Variants in SCPEP1 observed in about 807,000 individuals in gnomAD.
The protein encoded by SCPEP1 is serine carboxypeptidase 1.
A neutral mutation model predicts 63.8 loss-of-function variants in SCPEP1; 51 were observed. That is an observed-to-expected ratio of 0.80 (90% CI 0.64 to 1.01). The LOEUF (loss-of-function observed/expected upper bound fraction) is 1.01, where lower values mean the gene tolerates loss of function less well. Ranked by LOEUF, SCPEP1 falls within the 50% of genes least tolerant of loss-of-function variation. The probability of loss-of-function intolerance (pLI) is 0.00; values close to 1 mark genes in which losing one functional copy is unlikely to be tolerated. For missense variants in SCPEP1, 499 were observed against 554.9 expected, an observed-to-expected ratio of 0.90 and a Z score of 1.01; for synonymous variants, 204 against 207.8, an observed-to-expected ratio of 0.98 and a Z score of 0.16.
At chr17:57,003,497 A>G (rs1911801944) in intron 12 of SCPEP1, among the ~76,000 whole-genome samples, 1 of 152,168 alleles carries the variant, frequency 6.6e-6, no homozygotes, top group South Asian at 2.1e-4. Flanking sequence ...GGGGTAGAAA[A>G]GAACTGAAGG....
intron 3 of SCPEP1, chr17:56,987,479 TTG>T: frequency 2.5e-6 from 1 of 399,572 alleles, no homozygotes. Flanking sequence ...TTTTTTTTTT[TTG>T]CGGCGGCGGG....
chr17:57,002,656 G>A (rs190731131), intron 12 of SCPEP1, among the ~76,000 whole-genome samples: 1 of 152,164 alleles, frequency 6.6e-6, no homozygotes, highest in Non-Finnish European at 1.5e-5. Context: ...GCAGTGAGCC[G>A]AGATAGCACC....
intron 12 of SCPEP1, among the ~76,000 whole-genome samples, chr17:57,003,544 C>T (rs974553688): frequency 3.3e-5 from 5 of 152,026 alleles, no homozygotes; most frequent in East Asian, 3.9e-4. Context: ...TTGTGGTTTG[C>T]GATGGAGGGA....
rs369816571 is a variant in SCPEP1 at position 56,978,149 on chromosome 17, C to A, written c.-11C>A. The stretch of plus-strand genomic sequence containing the variant: ...CCAGCCTGTTGCTGATGCTGCCGTG[C>A]GGTACTTGTCATGGAGCTGGCACTG... On this transcript the variant is annotated 5_prime_UTR_variant, in exon 1 of 13. It introduces an in-frame stop codon into an upstream open reading frame of the 5' UTR. Coordinates refer to ENST00000262288, the MANE Select transcript of SCPEP1 (RefSeq NM_021626.3). The A allele has an allele frequency of 2.3e-6, 3 of 1,289,868 alleles. No homozygotes were observed. Among genetic ancestry groups the A allele is most frequent in the South Asian group, 1.2e-5 (1 of 83,140 alleles). 79.9% of individuals were successfully genotyped at this position (1,289,868 alleles called of 1,614,324 possible). A position where few individuals can be genotyped will look rare whatever the true frequency, so the allele number is the denominator to read the frequency against.
In SCPEP1 at chr17:56,993,365, A is replaced by G. The variant is rs149955243; in HGVS notation, c.620-1616A>G. On this transcript the variant is annotated intron_variant, in intron 6 of 12. Coordinates refer to ENST00000262288, the MANE Select transcript of SCPEP1 (RefSeq NM_021626.3). ...TATTGAACAATGCAGGCCTACTTCA[A>G]AGATTGGTAAACAAGGGCCCATGAG... Among the ~76,000 whole-genome samples the G allele has an allele frequency of 3.7e-3, 563 of 152,304 alleles. 5 individuals are homozygous for G. Among genetic ancestry groups the G allele is most frequent in the African/African-American group, 0.013 (537 of 41,560 alleles).
At chr17:56,996,426 A>T (rs1911562225) in intron 8 of SCPEP1, among the ~76,000 whole-genome samples, 1 of 151,988 alleles carries the variant, frequency 6.6e-6, no homozygotes, top group Non-Finnish European at 1.5e-5. Flanking sequence ...GCTGGTCTTG[A>T]ACTCCTGACC....
intron 1 of SCPEP1, among the ~76,000 whole-genome samples, chr17:56,980,306 G>A (rs939765443): frequency 2.0e-5 from 3 of 151,970 alleles, no homozygotes; most frequent in African/African-American, 7.3e-5. Flanking sequence ...GTAGAGATGG[G>A]GTGTTGCTAT....
chr17:57,001,110 A>G (rs1317554330), intron 11 of SCPEP1, 118 bp downstream of exon 11: 10 of 1,064,774 alleles, frequency 9.4e-6, no homozygotes, highest in Non-Finnish European at 1.4e-5. Context: ...GTGGAAGGCC[A>G]TTTCCCATTA....
At chr17:56,993,188 T>C (rs1911449567) in intron 6 of SCPEP1, among the ~76,000 whole-genome samples, 1 of 152,210 alleles carries the variant, frequency 6.6e-6, no homozygotes, top group South Asian at 2.1e-4. Context: ...ACTTGCCACA[T>C]GTGACTATAT....
chr17:56,990,621 T>A (rs1232365060), intron 5 of SCPEP1, among the ~76,000 whole-genome samples: 1 of 152,196 alleles, frequency 6.6e-6, no homozygotes, highest in African/African-American at 2.4e-5. Flanking sequence ...AATTTTCATC[T>A]CAAATATTCA....
intron 6 of SCPEP1, among the ~76,000 whole-genome samples, chr17:56,994,256 A>G: frequency 6.6e-6 from 1 of 152,222 alleles, no homozygotes; most frequent in East Asian, 1.9e-4. Flanking sequence ...GACATACTCA[A>G]ATGTGCTTTA....
chr17:57,002,953 G>A (rs956295336), intron 12 of SCPEP1, among the ~76,000 whole-genome samples: 2 of 151,742 alleles, frequency 1.3e-5, no homozygotes, highest in East Asian at 1.9e-4. Context: ...ACAAAATTCC[G>A]CTATTAGCAC....
intron 12 of SCPEP1, among the ~76,000 whole-genome samples, chr17:57,003,409 T>C (rs772553022): frequency 1.3e-5 from 2 of 152,130 alleles, no homozygotes; most frequent in Admixed American, 6.6e-5. Flanking sequence ...GGCTGTCAGG[T>C]AAATCCAGAA....
intron 6 of SCPEP1, 35 bp downstream of exon 6, chr17:56,991,206 C>A: frequency 2.0e-6 from 3 of 1,504,506 alleles, no homozygotes; most frequent in South Asian, 2.3e-5. Flanking sequence ...TTTTCACTCC[C>A]CTTTTGCCCA....
At position 56,993,213 on chromosome 17, in the gene SCPEP1, T is replaced by C. The variant is rs180811185; in HGVS notation, c.620-1768T>C. On this transcript the variant is annotated intron_variant, in intron 6 of 12. Transcript: ENST00000262288. Reference sequence around the variant, plus strand: ...TGTGACTATATAAATTTAATTATAATTTTTAAATACAATTTCATTTTTTCA... The same window carrying C: ...TGTGACTATATAAATTTAATTATAACTTTTAAATACAATTTCATTTTTTCA... Among the ~76,000 whole-genome samples the C allele has an allele frequency of 3.9e-5, 6 of 152,334 alleles. No individual in the cohort carries two copies. In the East Asian group the frequency reaches 7.7e-4, roughly 20 times the overall value.
chr17:56,997,033 A>G lies in SCPEP1; in HGVS notation c.858A>G (p.Leu286=). The G allele has an allele frequency of 6.2e-7, 1 of 1,606,138 alleles. No individual in the cohort carries two copies. Residue 286 remains leucine, a synonymous_variant, in exon 9 of 13, where the codon CTA becomes CTG. Transcript: ENST00000262288. The stretch of plus-strand genomic sequence containing the variant: ...CCACGTCTACAATGGAGTCGAGTCT[A>G]GAATTCACACAGAGCCACCTAGGTG... The part of the protein sequence containing the change: ...STPTSTMESS[L]EFTQSHLVCL...
chr17:56,998,362 A>G (rs749669786), intron 9 of SCPEP1, 23 bp from the exon 10 acceptor site: 1 of 1,555,442 alleles, frequency 6.4e-7, no homozygotes, highest in Non-Finnish European at 8.9e-7. Context: ...CCTTTGACTC[A>G]CTATCTACCA....
chr17:56,988,518 C>T (rs1476081883), intron 5 of SCPEP1, among the ~76,000 whole-genome samples: 2 of 152,058 alleles, frequency 1.3e-5, no homozygotes, highest in Non-Finnish European at 2.9e-5. Flanking sequence ...GTGGTACTAA[C>T]ATAGCAATAG....
chr17:56,990,651 A>G (rs930283947), intron 5 of SCPEP1, among the ~76,000 whole-genome samples: 1 of 152,146 alleles, frequency 6.6e-6, no homozygotes, highest in East Asian at 1.9e-4. Flanking sequence ...TTTTTGAGAC[A>G]GGATCTTGCT....
Sources: allele counts gnomAD v4.1 joint callset (sites outside exome capture counted in the v4.1 genomes callset), GRCh38; gene constraint gnomAD v4.1.1; transcripts MANE v1.5; gene names NCBI Gene and HGNC (gene_info 2026-07-23, HGNC 2026-07-21).